SOX6: variants seen among roughly 807,000 people sequenced by gnomAD.
SOX6 encodes the protein transcription factor SOX-6.
A neutral mutation model predicts 97.8 loss-of-function variants in SOX6; 11 were observed. The observed-to-expected ratio is 0.11, with a 90% confidence interval of 0.07 to 0.19. The LOEUF (loss-of-function observed/expected upper bound fraction) is 0.19. Among genes scored for constraint, SOX6 ranks in the 10% least tolerant of loss-of-function variants. The probability of loss-of-function intolerance (pLI) is 1.00; values close to 1 mark genes in which losing one functional copy is unlikely to be tolerated. For synonymous variants in SOX6, 360 were observed against 371.4 expected, an observed-to-expected ratio of 0.97 and a Z score of 0.35; for missense variants, 810 against 1,039.5, an observed-to-expected ratio of 0.78 and a Z score of 3.04.
intron 9 of SOX6, among the ~76,000 whole-genome samples, chr11:16,070,154 C>CAAAT (rs928746397): frequency 1.2e-4 from 19 of 152,040 alleles, no homozygotes; most frequent in South Asian, 4.2e-4. Context: ...GACTCCATCT[C>CAAAT]AAATAAATAA....
chr11:16,559,293 C>T (rs1238527297), intron 4 of SOX6, among the ~76,000 whole-genome samples: 1 of 151,672 alleles, frequency 6.6e-6, no homozygotes, highest in Non-Finnish European at 1.5e-5. Context: ...TTCTTTAAGA[C>T]ATTACACAGT....
intron 4 of SOX6, among the ~76,000 whole-genome samples, chr11:16,524,377 C>A (rs1443593608): frequency 6.6e-6 from 1 of 151,884 alleles, no homozygotes; most frequent in East Asian, 1.9e-4. Flanking sequence ...AAGACAAAAA[C>A]TACATGATTA....
intron 1 of SOX6, among the ~76,000 whole-genome samples, chr11:16,416,104 T>C (rs754696754): frequency 4.6e-5 from 7 of 152,206 alleles, no homozygotes; most frequent in African/African-American, 7.2e-5. Context: ...AGTAGGCTAA[T>C]AGAGCACTAG....
At position 15,968,840 on chromosome 11, in the gene SOX6, A is replaced by G. The variant is rs1402024073; in HGVS notation, c.*3969T>C. On this transcript the variant is annotated 3_prime_UTR_variant, in exon 16 of 16. Transcript: ENST00000683767. ...CCTGAGGACAAGGCTGGAGAGTATCAAATACCTAATGAAGCAAACCGAGGT... is the reference window on the plus strand; with the variant it reads ...CCTGAGGACAAGGCTGGAGAGTATCGAATACCTAATGAAGCAAACCGAGGT... 1 of 152,242 alleles carries G rather than the reference A, an allele frequency of 6.6e-6. No individual in the cohort carries two copies. The highest frequency in any genetic ancestry group is 2.4e-5 in the African/African-American group (1 of 41,450). The allele number at this position is 152,242 out of a possible 1,614,324, so 9.4% of individuals were successfully genotyped here. A position where few individuals can be genotyped will look rare whatever the true frequency, so the allele number is the denominator to read the frequency against.
chr11:16,233,584 C>T (rs1049167099), intron 4 of SOX6, among the ~76,000 whole-genome samples: 7 of 152,096 alleles, frequency 4.6e-5, no homozygotes, highest in African/African-American at 1.7e-4. Flanking sequence ...TTAATAATAA[C>T]CACCAAACTT....
intron 4 of SOX6, among the ~76,000 whole-genome samples, chr11:16,482,545 C>CA (rs1243459082): frequency 6.6e-6 from 1 of 152,096 alleles, no homozygotes; most frequent in African/African-American, 2.4e-5. Context: ...ATTTTATTGA[C>CA]AAAAAAGTGT....
intron 5 of SOX6, 128 bp downstream of exon 5, chr11:16,186,652 TTTC>T: frequency 1.7e-6 from 2 of 1,176,978 alleles, no homozygotes; most frequent in Non-Finnish European, 2.4e-6. Flanking sequence ...TTGTTTTTTT[TTTC>T]CATCTTTTCT....
Position 16,368,109 on chromosome 11 carries a change from G to A in SOX6, c.-4-26857C>T, listed in dbSNP as rs183180514. 4.6e-3 allele frequency among the ~76,000 whole-genome samples: 703 copies of A among 152,108 alleles called. 5 individuals carry two copies. Among genetic ancestry groups the A allele is most frequent in the African/African-American group, 0.016 (680 of 41,506 alleles). On this transcript the variant is annotated intron_variant, in intron 1 of 15. Transcript: ENST00000396356. ...AGTCTCTTACTTGTCTATTGGCCAC[G>A]AAATAATTCTTCAATTGACTAGCAC... is the stretch of plus-strand genomic sequence containing the variant.
intron 4 of SOX6, among the ~76,000 whole-genome samples, chr11:16,502,426 C>G (rs371276948): frequency 6.6e-6 from 1 of 150,610 alleles, no homozygotes; most frequent in Admixed American, 6.7e-5. Context: ...CAAACGTGCA[C>G]GTTGTTAACA....
intron 1 of SOX6, among the ~76,000 whole-genome samples, chr11:16,377,054 G>A (rs1255567246): frequency 1.3e-5 from 2 of 151,736 alleles, no homozygotes; most frequent in Non-Finnish European, 2.9e-5. Flanking sequence ...CAAGTTGTTA[G>A]TTACAGAGTT....
chr11:16,478,442 A>G (rs182562980), upstream of SOX6, among the ~76,000 whole-genome samples: 58 of 152,350 alleles, frequency 3.8e-4, no homozygotes, highest in Middle Eastern at 0.01. Context: ...TTTTGGAACA[A>G]GTCAGATTCC....
At chr11:16,282,515 G>C (rs1048829028) in intron 3 of SOX6, among the ~76,000 whole-genome samples, 2 of 151,400 alleles carry the variant, frequency 1.3e-5, no homozygotes, top group African/African-American at 4.8e-5. Context: ...CTATCAAATT[G>C]GCCAGCTATA....
At chr11:16,736,282 T>C (rs1273396671) in intron 2 of SOX6, 1 of 152,250 alleles carries the variant, frequency 6.6e-6, no homozygotes, top group Non-Finnish European at 1.5e-5. Flanking sequence ...AAGAGGAGCA[T>C]TACTGAGTTT....
At chr11:16,209,098 C>CA (rs1191107478) in intron 4 of SOX6, among the ~76,000 whole-genome samples, 1 of 152,106 alleles carries the variant, frequency 6.6e-6, no homozygotes, top group African/African-American at 2.4e-5. Flanking sequence ...GCCTGAAATA[C>CA]AAAAAATTTA....
intron 4 of SOX6, among the ~76,000 whole-genome samples, chr11:16,524,690 T>G (rs1325148859): frequency 1.3e-5 from 2 of 152,100 alleles, no homozygotes; most frequent in East Asian, 1.9e-4. Context: ...GGAAGTCAAA[T>G]TGTCCCCGTT....
At chr11:16,341,680 C>G (rs1856641330) in intron 1 of SOX6, among the ~76,000 whole-genome samples, 1 of 151,950 alleles carries the variant, frequency 6.6e-6, no homozygotes, top group South Asian at 2.1e-4. Flanking sequence ...CACAATTATC[C>G]AACTTTCTCC....
intron 3 of SOX6, among the ~76,000 whole-genome samples, chr11:16,261,733 T>G (rs992336581): frequency 3.3e-5 from 5 of 152,028 alleles, no homozygotes; most frequent in Admixed American, 6.6e-5. Flanking sequence ...CTGTCAGAGT[T>G]AAGGTGGTAA....
chr11:16,350,280 T>C (rs537043959), intron 1 of SOX6, among the ~76,000 whole-genome samples: 3 of 152,286 alleles, frequency 2.0e-5, no homozygotes, highest in Admixed American at 2.0e-4. Context: ...TGAACATCGG[T>C]GGCTAAATCA....
At chr11:16,471,433 C>A (rs1261889534) in intron 1 of SOX6, among the ~76,000 whole-genome samples, 2 of 145,270 alleles carry the variant, frequency 1.4e-5, no homozygotes, top group Admixed American at 1.4e-4. Context: ...AAAACAATAT[C>A]CCACCTTCCT....
Sources: allele counts gnomAD v4.1 joint callset (sites outside exome capture counted in the v4.1 genomes callset), GRCh38; gene constraint gnomAD v4.1.1; transcripts MANE v1.5; gene names NCBI Gene and HGNC (gene_info 2026-07-23, HGNC 2026-07-21).